Variants in SYN3 observed in about 807,000 individuals in gnomAD.
The protein encoded by SYN3 is synapsin III.
Under a neutral mutation model 65.8 loss-of-function variants are expected in SYN3, and 35 were observed. The ratio of observed to expected loss-of-function variants is 0.53; its 90% confidence interval spans 0.41 to 0.70. SYN3 has a LOEUF of 0.70. Among genes scored for constraint, SYN3 ranks in the 30% least tolerant of loss-of-function variants. The probability of loss-of-function intolerance (pLI) is 0.00; values close to 1 mark genes in which losing one functional copy is unlikely to be tolerated. For synonymous variants in SYN3, 270 were observed against 292.9 expected (o/e 0.92, Z 0.80); for missense variants, 680 against 749.0 (o/e 0.91, Z 1.08).
intron 3 of SYN3, among the ~76,000 whole-genome samples, chr22:32,976,777 G>A (rs1020951283): frequency 6.6e-6 from 1 of 152,134 alleles, no homozygotes; most frequent in Non-Finnish European, 1.5e-5. Context: ...TTTTTAGACT[G>A]GGGGGAAGAG....
chr22:32,577,151 G>A, intron 7 of SYN3, among the ~76,000 whole-genome samples: 1 of 152,172 alleles, frequency 6.6e-6, no homozygotes, highest in East Asian at 1.9e-4. Context: ...CTTCCCGGGT[G>A]CTTCGAATGC....
chr22:32,586,052 G>GTATGTATGTATATA (rs1330288526), intron 7 of SYN3, among the ~76,000 whole-genome samples: 1 of 142,714 alleles, frequency 7.0e-6, no homozygotes, highest in Non-Finnish European at 1.5e-5. Context: ...ATGTATATAT[G>GTATGTATGTATATA]TGTATATGTA....
chr22:32,966,757 A>G (rs2051858752), intron 3 of SYN3, among the ~76,000 whole-genome samples: 1 of 152,032 alleles, frequency 6.6e-6, no homozygotes, highest in South Asian at 2.1e-4. Context: ...TCTACAAAAT[A>G]TTTTAAAAAT....
intron 3 of SYN3, among the ~76,000 whole-genome samples, chr22:32,972,438 G>A (rs1909498055): frequency 6.6e-6 from 1 of 151,070 alleles, no homozygotes; most frequent in South Asian, 2.1e-4. Flanking sequence ...CCAAAGGGGT[G>A]GACTGTGCCA....
At chr22:32,543,046 G>A (rs928291306) in intron 7 of SYN3, among the ~76,000 whole-genome samples, 11 of 152,000 alleles carry the variant, frequency 7.2e-5, no homozygotes, top group African/African-American at 2.7e-4. Context: ...ACGTGGGGTT[G>A]GTCTCGGCCA....
intron 7 of SYN3, among the ~76,000 whole-genome samples, chr22:32,560,124 G>A (rs554225212): frequency 1.8e-4 from 27 of 152,338 alleles, no homozygotes; most frequent in African/African-American, 6.3e-4. Context: ...AGAATCAGGG[G>A]AGAAGGAATG....
chr22:32,885,417 G>A (rs1210022430), intron 4 of SYN3, among the ~76,000 whole-genome samples: 2 of 152,134 alleles, frequency 1.3e-5, no homozygotes, highest in African/African-American at 4.8e-5. Context: ...TTATCAGTGA[G>A]CCACCCTGGT....
At chr22:32,819,706 G>A (rs904544325) in intron 6 of SYN3, among the ~76,000 whole-genome samples, 4 of 152,136 alleles carry the variant, frequency 2.6e-5, no homozygotes, top group Non-Finnish European at 4.4e-5. Context: ...TAGGGGCCGC[G>A]TCTCCCAGCA....
chr22:32,616,507 A>C (rs2059522415), intron 6 of SYN3, among the ~76,000 whole-genome samples: 1 of 152,078 alleles, frequency 6.6e-6, no homozygotes, highest in African/African-American at 2.4e-5. Flanking sequence ...CTGAATCCAC[A>C]CGAGAGGCCT....
chr22:32,739,155 TG>T (rs1465868739), intron 6 of SYN3, among the ~76,000 whole-genome samples: 6 of 146,974 alleles, frequency 4.1e-5, no homozygotes, highest in African/African-American at 1.5e-4. Flanking sequence ...AGAGACCTGG[TG>T]GGAGATAATT....
intron 6 of SYN3, among the ~76,000 whole-genome samples, chr22:32,827,450 A>G (rs909461542): frequency 6.6e-6 from 1 of 152,108 alleles, no homozygotes; most frequent in Non-Finnish European, 1.5e-5. Context: ...CTACTTGTAC[A>G]AATGGATTTT....
chr22:32,733,357 G>C (rs2061295937), intron 6 of SYN3, among the ~76,000 whole-genome samples: 1 of 152,184 alleles, frequency 6.6e-6, no homozygotes, highest in Non-Finnish European at 1.5e-5. Context: ...TGCTGCTCAA[G>C]TCCTGAGGGG....
At chr22:32,989,420 G>A (rs1270814472) in intron 2 of SYN3, among the ~76,000 whole-genome samples, 1 of 152,176 alleles carries the variant, frequency 6.6e-6, no homozygotes, top group Non-Finnish European at 1.5e-5. Flanking sequence ...CCAAGAGGAG[G>A]TAGATGGCAG....
chr22:32,546,239 T>C (rs2058334218), intron 7 of SYN3, among the ~76,000 whole-genome samples: 1 of 152,216 alleles, frequency 6.6e-6, no homozygotes, highest in Non-Finnish European at 1.5e-5. Context: ...TCCCCAGCTG[T>C]TGCACTGGTG....
intron 6 of SYN3, among the ~76,000 whole-genome samples, chr22:32,708,546 T>A (rs1314301793): frequency 1.3e-5 from 2 of 152,204 alleles, no homozygotes; most frequent in African/African-American, 4.8e-5. Flanking sequence ...GAGGCTTAGA[T>A]GGTCTCCAGA....
chr22:32,520,306 C>CTT (rs1204350525), intron 12 of SYN3, among the ~76,000 whole-genome samples: 2 of 145,052 alleles, frequency 1.4e-5, no homozygotes, highest in Admixed American at 6.9e-5. Context: ...TTCTTTCTGC[C>CTT]TTTTTTTTTT....
chr22:32,955,125 T>A (rs569532497), intron 3 of SYN3, among the ~76,000 whole-genome samples: 1 of 152,170 alleles, frequency 6.6e-6, no homozygotes, highest in South Asian at 2.1e-4. Context: ...AGTCTGCACA[T>A]CCAGGGAACA....
In SYN3 at chr22:32,749,407, C is replaced by T. The variant is rs563169962; in HGVS notation, c.711+115508G>A. On this transcript the variant is annotated intron_variant, in intron 6 of 13. Transcript: ENST00000358763. ...CTGTAATCCCAGCACTTTGGGAGGC[C>T]AAGGCGGGTGAATCGTGAGGTCAGG... is the stretch of plus-strand genomic sequence containing the variant. Among the ~76,000 whole-genome samples the T allele has an allele frequency of 1.7e-4, 26 of 150,932 alleles. No homozygotes were observed. The South Asian group carries it at 4.4e-3, about 26-fold the overall frequency.
At chr22:32,743,238 AG>A (rs2044827737) in intron 6 of SYN3, among the ~76,000 whole-genome samples, 1 of 152,186 alleles carries the variant, frequency 6.6e-6, no homozygotes, top group Non-Finnish European at 1.5e-5. Flanking sequence ...CTGGTGGGGA[AG>A]GGGGCGGCCT....
Sources: allele counts gnomAD v4.1 joint callset (sites outside exome capture counted in the v4.1 genomes callset), GRCh38; gene constraint gnomAD v4.1.1; transcripts MANE v1.5; gene names NCBI Gene and HGNC (gene_info 2026-07-23, HGNC 2026-07-21).